RIMS1: variants seen among roughly 807,000 people sequenced by gnomAD.
The protein encoded by RIMS1 is regulating synaptic membrane exocytosis 1, also known as regulating synaptic membrane exocytosis protein 1.
Under a neutral mutation model 214.1 loss-of-function variants are expected in RIMS1, and 83 were observed. The ratio of observed to expected loss-of-function variants is 0.39; its 90% CI spans 0.32 to 0.47. The LOEUF (loss-of-function observed/expected upper bound fraction) is 0.47, where lower values mean the gene tolerates loss of function less well. RIMS1 is among the 20% of genes least tolerant of loss of function. The pLI, the probability that RIMS1 is intolerant of heterozygous loss-of-function variation, is 0.99. For synonymous variants in RIMS1, 793 were observed against 786.8 expected (o/e 1.01, Z -0.13); for missense variants, 2,050 against 2,161.8 (o/e 0.95, Z 1.03).
intron 1 of RIMS1, among the ~76,000 whole-genome samples, chr6:71,967,252 G>T (rs1794709357): frequency 6.6e-6 from 1 of 152,118 alleles, no homozygotes; most frequent in Admixed American, 6.5e-5. Flanking sequence ...ACCAGGCGTG[G>T]TGGTGGGCGC....
In RIMS1 at chr6:72,266,039, G is replaced by A. The variant is rs1174410131; in HGVS notation, c.3388G>A (p.Glu1130Lys). 1.3e-6 allele frequency: 2 copies of A among 1,573,912 alleles called. No homozygotes were observed. Among genetic ancestry groups the A allele is most frequent in the Non-Finnish European group, 8.6e-7 (1 of 1,157,162 alleles). Reference protein sequence around the residue: ...LRPDTSLHSPERERGRWSPSL... With the variant: ...LRPDTSLHSPKRERGRWSPSL... ...ACCAGATACTAGTTTGCATTCACCA[G>A]AACGAGAAAGGTATAAAATAAAGAC... is the stretch of plus-strand genomic sequence containing the variant. The change falls in exon 22 of 34, where the codon GAA becomes AAA. Residue 1130 changes from glutamate (E) to lysine (K), a missense_variant. Physicochemically the swap from Glu to Lys is moderately conservative, Grantham distance 56. Around this residue, in one of 6 missense-constraint regions of RIMS1, gnomAD observed 889 missense variants for 885.5 expected, o/e 1.00. Transcript: ENST00000521978.
chr6:72,204,353 A>G (rs532878633), intron 6 of RIMS1, among the ~76,000 whole-genome samples: 4 of 152,330 alleles, frequency 2.6e-5, no homozygotes, highest in African/African-American at 9.6e-5. Context: ...GGTTATCATT[A>G]TATACAGAAT....
intron 4 of RIMS1, among the ~76,000 whole-genome samples, chr6:72,110,500 G>A (rs1049198102): frequency 6.7e-6 from 1 of 149,434 alleles, no homozygotes; most frequent in African/African-American, 2.5e-5. Flanking sequence ...TTGGCTCTCT[G>A]TTTGTCTGTT....
chr6:72,314,435 A>C (rs780521584), intron 28 of RIMS1, among the ~76,000 whole-genome samples: 1 of 152,184 alleles, frequency 6.6e-6, no homozygotes, highest in Non-Finnish European at 1.5e-5. Flanking sequence ...AATACTCTGA[A>C]AGGCTGATGT....
At chr6:72,390,542 T>A (rs2098686514) in intron 29 of RIMS1, 56 bp from the exon 30 acceptor site, 1 of 1,505,052 alleles carries the variant, frequency 6.6e-7, no homozygotes, top group East Asian at 2.4e-5. Context: ...TCAATTGATA[T>A]TCAGGAGTAA....
At chr6:72,353,967 C>T (rs1423334797) in intron 29 of RIMS1, among the ~76,000 whole-genome samples, 1 of 151,996 alleles carries the variant, frequency 6.6e-6, no homozygotes, top group East Asian at 1.9e-4. Context: ...CACCTGTAAT[C>T]CCAGCAATTT....
intron 6 of RIMS1, among the ~76,000 whole-genome samples, chr6:72,210,898 G>A (rs1164428374): frequency 2.0e-5 from 3 of 152,142 alleles, no homozygotes; most frequent in Non-Finnish European, 2.9e-5. Flanking sequence ...AGTTCTGAAT[G>A]CATGCATGCA....
intron 1 of RIMS1, among the ~76,000 whole-genome samples, chr6:71,947,405 A>G (rs1052488396): frequency 6.6e-6 from 1 of 152,142 alleles, no homozygotes; most frequent in African/African-American, 2.4e-5. Context: ...TTGACAACAT[A>G]GTTCAACCTA....
chr6:72,071,814 C>T (rs1472365250), intron 2 of RIMS1, among the ~76,000 whole-genome samples: 2 of 152,070 alleles, frequency 1.3e-5, no homozygotes, highest in Non-Finnish European at 2.9e-5. Context: ...CATGGGGGAA[C>T]TATTAGGGTG....
At chr6:72,044,545 A>G (rs1245412164) in intron 2 of RIMS1, among the ~76,000 whole-genome samples, 1 of 151,874 alleles carries the variant, frequency 6.6e-6, no homozygotes, top group Non-Finnish European at 1.5e-5. Context: ...CCCCCTGATA[A>G]TGGGCAAAAT....
chr6:72,390,874 G>C (rs1245189079), intron 30 of RIMS1, 138 bp downstream of exon 30: 1 of 962,184 alleles, frequency 1.0e-6, no homozygotes, highest in East Asian at 2.5e-5. Context: ...AAACCACCCT[G>C]ATGGCTTATA....
intron 1 of RIMS1, among the ~76,000 whole-genome samples, chr6:71,911,422 T>G (rs1357119604): frequency 6.6e-6 from 1 of 152,110 alleles, no homozygotes; most frequent in East Asian, 1.9e-4. Context: ...TTCTTATCTA[T>G]CTCTCTGTCT....
chr6:72,226,003 C>A (rs1450863551), intron 6 of RIMS1, among the ~76,000 whole-genome samples: 2 of 152,054 alleles, frequency 1.3e-5, no homozygotes, highest in Admixed American at 6.6e-5. Context: ...TTATCAATGA[C>A]CTTGAAGACT....
At chr6:72,252,548 A>G (rs1239971681) in intron 15 of RIMS1, among the ~76,000 whole-genome samples, 2 of 152,168 alleles carry the variant, frequency 1.3e-5, no homozygotes. Flanking sequence ...TTGTTTCTAT[A>G]TGTCTTTGGT....
At chr6:72,017,160 T>A (rs1813035865) in intron 2 of RIMS1, among the ~76,000 whole-genome samples, 1 of 152,214 alleles carries the variant, frequency 6.6e-6, no homozygotes, top group Admixed American at 6.5e-5. Flanking sequence ...GAGAACATGC[T>A]TCCATCTCTT....
chr6:71,922,408 C>T (rs1468905507), intron 1 of RIMS1, among the ~76,000 whole-genome samples: 1 of 152,120 alleles, frequency 6.6e-6, no homozygotes, highest in Non-Finnish European at 1.5e-5. Flanking sequence ...TGCACTCATG[C>T]CATATTTGTC....
At chr6:72,258,401 T>A in intron 17 of RIMS1, 120 bp downstream of exon 17, 2 of 1,108,944 alleles carry the variant, frequency 1.8e-6, no homozygotes, top group Non-Finnish European at 2.5e-6. Context: ...TTTTCAGAAT[T>A]AATTGTAGGC....
chr6:72,009,492 A>G (rs9446542), intron 2 of RIMS1, among the ~76,000 whole-genome samples: 20,315 of 152,130 alleles, frequency 0.13, 1,416 homozygotes, highest in South Asian at 0.18. Context: ...AACTGAAGGA[A>G]ATAGAGACAC....
At chr6:72,217,477 A>G (rs560382416) in intron 6 of RIMS1, among the ~76,000 whole-genome samples, 2 of 152,188 alleles carry the variant, frequency 1.3e-5, no homozygotes, top group Non-Finnish European at 2.9e-5. Context: ...AATTATATAC[A>G]TTTTAGTATT....
Sources: gnomAD v4.1 joint callset for allele counts (sites outside exome capture counted in the v4.1 genomes callset) on GRCh38, gnomAD v4.1.1 for gene constraint, gnomAD v4.1.1 regional missense constraint, MANE v1.5 for transcripts, NCBI Gene and HGNC (gene_info 2026-07-23, HGNC 2026-07-21) for gene names.